The following DNAJC7 variants were observed in gnomAD, a reference collection of about 807,000 sequenced individuals.
The protein encoded by DNAJC7 is dnaJ homolog subfamily C member 7.
A neutral mutation model predicts 67.4 loss-of-function variants in DNAJC7; 18 were observed. The ratio of observed to expected loss-of-function variants is 0.27; its 90% CI spans 0.18 to 0.40. The LOEUF is 0.40. Among genes scored for constraint, DNAJC7 ranks in the 10% least tolerant of loss-of-function variants. DNAJC7 has a pLI of 1.00. For missense variants in DNAJC7, 419 were observed against 613.8 expected, an observed-to-expected ratio of 0.68 and a Z score of 3.35; for synonymous variants, 220 against 207.8, an observed-to-expected ratio of 1.06 and a Z score of -0.50.
intron 8 of DNAJC7, 71 bp from the exon 9 acceptor site, chr17:41,987,981 G>T: frequency 7.8e-7 from 1 of 1,279,290 alleles, no homozygotes; most frequent in Non-Finnish European, 1.1e-6. Flanking sequence ...TGTGAGCATG[G>T]CTTCAAAACT....
At chr17:42,004,798 G>C (rs1451280590) in intron 1 of DNAJC7, among the ~76,000 whole-genome samples, 1 of 152,228 alleles carries the variant, frequency 6.6e-6, no homozygotes. Flanking sequence ...GAGACAAGAA[G>C]ACTGCTTGAG....
At position 41,989,284 on chromosome 17, in the gene DNAJC7, CT is replaced by C. The variant is rs1423735691; in HGVS notation, c.753+119del. On this transcript the variant is annotated intron_variant, in intron 7 of 13. Transcript: ENST00000457167. Reference sequence around the variant, plus strand: ...CCATTTCTAATAAAGACCAAGCATCCTTGCAAAGCAGGAGGAAAAGCTATCA... The same window carrying C: ...CCATTTCTAATAAAGACCAAGCATCCTGCAAAGCAGGAGGAAAAGCTATCA... The C allele has an allele frequency of 2.9e-6, 4 of 1,366,824 alleles. No homozygotes were observed. In the East Asian group the frequency reaches 9.2e-5, roughly 32 times the overall value. The allele number at this position is 1,366,824 out of a possible 1,614,324, so 84.7% of individuals were successfully genotyped here. A position where few individuals can be genotyped will look rare whatever the true frequency, so the allele number is the denominator to read the frequency against.
chr17:41,996,250 A>T, intron 4 of DNAJC7, 61 bp downstream of exon 4: 4 of 1,551,876 alleles, frequency 2.6e-6, no homozygotes, highest in Non-Finnish European at 3.5e-6. Flanking sequence ...ACTTTCAAGT[A>T]GCCACTCCTC....
chr17:42,000,455 C>G, intron 2 of DNAJC7, 27 bp downstream of exon 2: 2 of 1,535,754 alleles, frequency 1.3e-6, no homozygotes, highest in Non-Finnish European at 1.8e-6. Flanking sequence ...TAAATGTTTT[C>G]TAGCGTAAGT....
intron 8 of DNAJC7, 150 bp downstream of exon 8, chr17:41,988,582 G>C: frequency 1.1e-6 from 1 of 919,908 alleles, no homozygotes; most frequent in South Asian, 2.1e-5. Flanking sequence ...ACAAAAGCTT[G>C]CCTCTTGGAA....
chr17:41,986,494 C>G (rs567230248), intron 9 of DNAJC7, among the ~76,000 whole-genome samples: 52 of 151,918 alleles, frequency 3.4e-4, no homozygotes, highest in South Asian at 2.7e-3. Context: ...CTAGCCACCC[C>G]CTTCCCACTG....
In DNAJC7 at chr17:41,996,398, G is replaced by A. The variant is rs373529196; in HGVS notation, c.318C>T (p.His106=). 4.6e-4 allele frequency: 743 copies of A among 1,613,994 alleles called. 8 individuals carry two copies. The South Asian group carries it at 6.3e-3, about 14-fold the overall frequency. Residue 106 remains histidine, a synonymous_variant, in exon 4 of 14, where the codon CAC becomes CAT. Coordinates refer to ENST00000457167, the MANE Select transcript of DNAJC7 (RefSeq NM_003315.4). The part of the protein sequence containing the change: ...VRGHLREGKC[H]LSLGNAMAAC... Reference sequence around the variant, plus strand: ...CTGCCATGGCATTCCCCAGAGAGAGGTGGCACTTGCCCTCTCGTAGATGTC... The same window carrying A: ...CTGCCATGGCATTCCCCAGAGAGAGATGGCACTTGCCCTCTCGTAGATGTC...
chr17:41,996,320 T>C lies in DNAJC7; in HGVS notation c.396A>G (p.Ala132=). 6.2e-7 allele frequency: 1 copy of C among 1,613,740 alleles called. No homozygotes were observed. The highest frequency in any genetic ancestry group is 2.2e-5 in the East Asian group (1 of 44,888). ...ALELDHKNAQ[A]QQEFKNANAV... is the part of the protein sequence containing the mutation. ...AGGATCAGACCCGTACCTCTTGTTG[T>C]GCCTGAGCATTTTTATGATCCAGTT... Residue 132 remains alanine (A), a synonymous_variant, in exon 4 of 14, where the codon GCA becomes GCG. Coordinates refer to ENST00000457167, the MANE Select transcript of DNAJC7 (RefSeq NM_003315.4).
intron 9 of DNAJC7, chr17:41,986,010 G>GCAAAT (rs1567956928): frequency 8.7e-6 from 1 of 115,538 alleles, no homozygotes; most frequent in African/African-American, 3.3e-5. Flanking sequence ...TATCCTCCGA[G>GCAAAT]CAAATCAAGA....
At chr17:41,994,663 C>T (rs2051608357) in intron 5 of DNAJC7, among the ~76,000 whole-genome samples, 1 of 151,954 alleles carries the variant, frequency 6.6e-6, no homozygotes, top group Non-Finnish European at 1.5e-5. Flanking sequence ...CTCATTTTAC[C>T]TTTTATCATA....
chr17:41,977,122 G>A (rs1272198982), intron 13 of DNAJC7, 139 bp downstream of exon 13: 10 of 878,608 alleles, frequency 1.1e-5, no homozygotes, highest in South Asian at 1.7e-5. Flanking sequence ...AGCAACAGCC[G>A]AGTGGATAGA....
chr17:41,981,979 A>T lies in DNAJC7; in HGVS notation c.1260T>A (p.Val420=). 3 of 1,613,968 alleles carry T rather than the reference A, an allele frequency of 1.9e-6. No homozygotes were observed. Among genetic ancestry groups the T allele is most frequent in the Non-Finnish European group, 2.5e-6 (3 of 1,179,884 alleles). Residue 420 remains valine, a synonymous_variant, in exon 12 of 14, where the codon GTT becomes GTA. Coordinates refer to ENST00000457167, the MANE Select transcript of DNAJC7 (RefSeq NM_003315.4). The part of the protein sequence containing the change: ...PDRHSGASAE[V]QKEEEKKFKE... Reference sequence around the variant, plus strand: ...TGAACTTCTTCTCCTCCTCCTTCTGAACCTCAGCACTGGCTCCACTATGCC... The same window carrying T: ...TGAACTTCTTCTCCTCCTCCTTCTGTACCTCAGCACTGGCTCCACTATGCC...
chr17:41,996,188 T>C, intron 4 of DNAJC7, 123 bp downstream of exon 4: 1 of 909,990 alleles, frequency 1.1e-6, no homozygotes, highest in Non-Finnish European at 1.7e-6. Flanking sequence ...GAAACTCGCC[T>C]AAAGTCACCC....
chr17:41,982,445 T>C (rs1555646145), intron 10 of DNAJC7, 44 bp from the exon 11 acceptor site: 3 of 1,605,748 alleles, frequency 1.9e-6, no homozygotes, highest in Non-Finnish European at 1.7e-6. Context: ...CTGACTCTGG[T>C]TTTTTCCTCA....
intron 1 of DNAJC7, among the ~76,000 whole-genome samples, chr17:42,007,522 G>A (rs1006782133): frequency 2.6e-5 from 4 of 151,942 alleles, no homozygotes; most frequent in Non-Finnish European, 4.4e-5. Context: ...TCTTCTTTAA[G>A]AAAAAAATTT....
chr17:42,000,656 C>G (rs1178549705), intron 1 of DNAJC7, 86 bp from the exon 2 acceptor site: 1 of 998,120 alleles, frequency 1.0e-6, no homozygotes, highest in East Asian at 2.5e-5. Flanking sequence ...TGGTCTAGAG[C>G]CCGCAGCACA....
At chr17:41,989,647 T>G (rs1480183143) in intron 6 of DNAJC7, 90 bp from the exon 7 acceptor site, 1 of 1,512,278 alleles carries the variant, frequency 6.6e-7, no homozygotes, top group African/African-American at 1.4e-5. Context: ...TCCTTGACCA[T>G]GTGTCTAGCA....
intron 1 of DNAJC7, among the ~76,000 whole-genome samples, chr17:42,008,328 A>T (rs2052024588): frequency 6.6e-6 from 1 of 151,744 alleles, no homozygotes; most frequent in Non-Finnish European, 1.5e-5. Flanking sequence ...AAAAAAAAAA[A>T]ATCTACTATT....
chr17:42,011,533 A>C (rs1214288408), intron 1 of DNAJC7: 4 of 152,192 alleles, frequency 2.6e-5, no homozygotes, highest in Non-Finnish European at 4.4e-5. Flanking sequence ...ATCAGGGTTC[A>C]ATTAATTTGC....
Sources: allele counts gnomAD v4.1 joint callset (sites outside exome capture counted in the v4.1 genomes callset), GRCh38; gene constraint gnomAD v4.1.1; transcripts MANE v1.5; gene names NCBI Gene and HGNC (gene_info 2026-07-23, HGNC 2026-07-21).